Variants in PALMD observed in about 807,000 individuals in gnomAD.
The protein encoded by PALMD is palmdelphin.
PALMD carries 42 observed loss-of-function variants against 56.2 expected under a neutral mutation model. The ratio of observed to expected loss-of-function variants is 0.75; its 90% confidence interval spans 0.58 to 0.97. PALMD has a LOEUF of 0.97. PALMD is among the 50% of genes least tolerant of loss of function. The pLI is 0.00. For missense variants in PALMD, 660 were observed against 643.8 expected (o/e 1.03, Z -0.27); for synonymous variants, 242 against 222.9 (o/e 1.09, Z -0.76).
At chr1:99,668,009 G>A (rs1653005409) in intron 3 of PALMD, 2 of 402,226 alleles carry the variant, frequency 5.0e-6, no homozygotes, top group Admixed American at 3.6e-5. Flanking sequence ...CTCCTGAGTA[G>A]CTAGGATGAT....
At chr1:99,690,360 C>T (rs1653627045) in intron 7 of PALMD, among the ~76,000 whole-genome samples, 1 of 152,008 alleles carries the variant, frequency 6.6e-6, no homozygotes. Flanking sequence ...CTCTATATGT[C>T]TATAGTTTCA....
intron 3 of PALMD, among the ~76,000 whole-genome samples, chr1:99,677,687 G>A (rs1253198138): frequency 6.6e-6 from 1 of 152,098 alleles, no homozygotes; most frequent in Admixed American, 6.6e-5. Flanking sequence ...CCATCTGAAT[G>A]CCAAGGACAC....
intron 6 of PALMD, among the ~76,000 whole-genome samples, chr1:99,688,017 T>A (rs945288724): frequency 3.9e-5 from 6 of 152,150 alleles, no homozygotes; most frequent in Admixed American, 1.3e-4. Context: ...CCTTTCCTAT[T>A]GAAATTCCAG....
At chr1:99,683,826 A>C (rs1301353786) in intron 3 of PALMD, 3 of 151,916 alleles carry the variant, frequency 2.0e-5, no homozygotes, top group African/African-American at 7.3e-5. Flanking sequence ...ACTTCATTTC[A>C]CCTTTCTACT....
At chr1:99,665,088 G>A (rs1338571) in intron 2 of PALMD, among the ~76,000 whole-genome samples, 68,991 of 151,724 alleles carry the variant, frequency 0.45, 16,078 homozygotes, top group Non-Finnish European at 0.51. Flanking sequence ...CATGTTACCA[G>A]GAAACACAAA....
intron 1 of PALMD, among the ~76,000 whole-genome samples, chr1:99,658,643 C>A (rs1251602945): frequency 6.6e-6 from 1 of 151,522 alleles, no homozygotes; most frequent in African/African-American, 2.4e-5. Context: ...TGGTGGCGGG[C>A]GCCTGTAGTC....
intron 1 of PALMD, among the ~76,000 whole-genome samples, chr1:99,655,692 C>G (rs1398712567): frequency 6.6e-6 from 1 of 152,112 alleles, no homozygotes. Context: ...TGAAATGAAA[C>G]CCATCAGAGA....
chr1:99,674,300 G>A (rs1027638880), intron 3 of PALMD, among the ~76,000 whole-genome samples: 1 of 151,758 alleles, frequency 6.6e-6, no homozygotes, highest in African/African-American at 2.4e-5. Flanking sequence ...AAACTCTGAG[G>A]GTCCTCCCTC....
chr1:99,674,491 C>A (rs1197026601), intron 3 of PALMD, among the ~76,000 whole-genome samples: 2 of 152,060 alleles, frequency 1.3e-5, no homozygotes, highest in Admixed American at 1.3e-4. Flanking sequence ...TGACTCCAGA[C>A]CCTTCCCACC....
intron 6 of PALMD, among the ~76,000 whole-genome samples, chr1:99,687,695 T>A (rs542651563): frequency 5.9e-5 from 9 of 152,202 alleles, no homozygotes; most frequent in Non-Finnish European, 1.2e-4. Context: ...CTACTCTTTA[T>A]TTGCAGATGG....
At position 99,687,935 on chromosome 1, in the gene PALMD, G is replaced by A. The variant is rs144091211; in HGVS notation, c.514+746G>A. ...ATAGAGGAGGTAAGAAATACAAAAT[G>A]GGTTCAGAAAGAAAGGTGGGAGGAC... On this transcript the variant is annotated intron_variant, in intron 6 of 7. Coordinates refer to ENST00000263174, the MANE Select transcript of PALMD (RefSeq NM_017734.5). Among the ~76,000 whole-genome samples the A allele has an allele frequency of 4.6e-3, 699 of 152,202 alleles. 6 individuals carry two copies. The highest frequency in any genetic ancestry group is 0.016 in the African/African-American group (669 of 41,536).
chr1:99,676,047 T>C (rs1037530706), intron 3 of PALMD, among the ~76,000 whole-genome samples: 2 of 152,216 alleles, frequency 1.3e-5, no homozygotes, highest in Non-Finnish European at 2.9e-5. Flanking sequence ...AATGTCATTG[T>C]TCCCTTGCCT....
At chr1:99,656,700 G>A (rs1652731454) in intron 1 of PALMD, among the ~76,000 whole-genome samples, 1 of 152,096 alleles carries the variant, frequency 6.6e-6, no homozygotes, top group African/African-American at 2.4e-5. Context: ...CCACAACCAT[G>A]CTTTTCTTTT....
chr1:99,690,096 T>C (rs1653620678), intron 7 of PALMD: 1 of 490,322 alleles, frequency 2.0e-6, no homozygotes, highest in Non-Finnish European at 3.5e-6. Flanking sequence ...TTTGATATTG[T>C]ATTGAGGAAC....
chr1:99,678,606 G>T (rs1653269699), intron 3 of PALMD, among the ~76,000 whole-genome samples: 1 of 152,106 alleles, frequency 6.6e-6, no homozygotes, highest in Admixed American at 6.6e-5. Flanking sequence ...GTTTCCATGG[G>T]TAGAGCTGTA....
intron 3 of PALMD, among the ~76,000 whole-genome samples, chr1:99,681,325 A>AT (rs1653341015): frequency 6.6e-6 from 1 of 152,100 alleles, no homozygotes; most frequent in African/African-American, 2.4e-5. Context: ...ATTCCATCCT[A>AT]TATATTTTCC....
chr1:99,661,896 T>A (rs1253068518), intron 1 of PALMD, among the ~76,000 whole-genome samples: 1 of 152,188 alleles, frequency 6.6e-6, no homozygotes, highest in Non-Finnish European at 1.5e-5. Context: ...GGTTGACCTG[T>A]TTTTCCACAT....
At chr1:99,663,855 C>T (rs1234079442) in intron 2 of PALMD, among the ~76,000 whole-genome samples, 2 of 152,176 alleles carry the variant, frequency 1.3e-5, no homozygotes, top group Non-Finnish European at 2.9e-5. Context: ...CATTCCAGCA[C>T]TTGCCAAAAA....
rs1451983213 is a variant in PALMD, at chr1:99,689,747, A to G, written c.1487A>G (p.His496Arg). The G allele has an allele frequency of 3.1e-6, 5 of 1,613,918 alleles. 1 individual carries two copies. The South Asian group carries it at 5.5e-5, about 18-fold the overall frequency. ...SEASPHENTNHKSPHKNSISL... is the reference protein window; with the variant it reads ...SEASPHENTNRKSPHKNSISL... Reference sequence around the variant, plus strand: ...GCTAGTCCTCATGAAAACACAAATCATAAATCCCCCCACAAAAATTCCATA... The same window carrying G: ...GCTAGTCCTCATGAAAACACAAATCGTAAATCCCCCCACAAAAATTCCATA... The change falls in exon 7 of 8, where the codon CAT becomes CGT. Residue 496 changes from histidine to arginine, a missense_variant. His to Arg is a conservative substitution (Grantham distance 29). Coordinates refer to ENST00000263174, the MANE Select transcript of PALMD (RefSeq NM_017734.5).
Sources: gnomAD v4.1 joint callset for allele counts (sites outside exome capture counted in the v4.1 genomes callset) on GRCh38, gnomAD v4.1.1 for gene constraint, MANE v1.5 for transcripts, NCBI Gene and HGNC (gene_info 2026-07-23, HGNC 2026-07-21) for gene names.